The following TUSC3 variants were observed in gnomAD, a reference collection of about 807,000 sequenced individuals.
The protein encoded by TUSC3 is tumor suppressor candidate 3.
TUSC3 carries 45 observed loss-of-function variants against 44.8 expected under a neutral mutation model. That is an observed-to-expected ratio of 1.00 (90% CI 0.79 to 1.29). The LOEUF is 1.29. Ranked by LOEUF, TUSC3 falls within the 50% of genes most tolerant of loss-of-function variation. TUSC3 has a pLI of 0.00. For missense variants in TUSC3, 519 were observed against 437.9 expected (o/e 1.19, Z -1.65); for synonymous variants, 212 against 152.9 (o/e 1.39, Z -2.85).
the TUSC3 span, among the ~76,000 whole-genome samples, chr8:15,843,088 A>G: frequency 6.6e-6 from 1 of 152,156 alleles, no homozygotes; most frequent in Non-Finnish European, 1.5e-5. Context: ...GAAATAACAC[A>G]TTCACTGCAA....
At chr8:15,549,878 T>G (rs1801998888) in intron 1 of TUSC3, among the ~76,000 whole-genome samples, 1 of 151,546 alleles carries the variant, frequency 6.6e-6, no homozygotes, top group Admixed American at 6.6e-5. Flanking sequence ...CCTCAGACAC[T>G]GAATTGTAGA....
chr8:15,737,099 T>G (rs1418399035), intron 7 of TUSC3, among the ~76,000 whole-genome samples: 1 of 152,160 alleles, frequency 6.6e-6, no homozygotes, highest in Non-Finnish European at 1.5e-5. Context: ...GAATATGATT[T>G]TATTCGCATC....
intron 1 of TUSC3, among the ~76,000 whole-genome samples, chr8:15,615,865 G>A (rs1285116316): frequency 6.6e-6 from 1 of 152,166 alleles, no homozygotes; most frequent in Non-Finnish European, 1.5e-5. Context: ...CTGGTTAAAG[G>A]ATATAAACAT....
chr8:15,478,307 A>G (rs187626632), intron 1 of TUSC3, among the ~76,000 whole-genome samples: 63 of 152,190 alleles, frequency 4.1e-4, no homozygotes, highest in African/African-American at 1.5e-3. Context: ...GGATACATGT[A>G]CAGGATGTGC....
At chr8:15,738,892 GTGCAATCTCGGCTCAC>G (rs368935111) in intron 7 of TUSC3, among the ~76,000 whole-genome samples, 7 of 133,738 alleles carry the variant, frequency 5.2e-5, no homozygotes, top group Middle Eastern at 4.9e-3. Context: ...GAGTGCAGTG[GTGCAATCTCGGCTCAC>G]TGCAACCTCT....
rs1172342180 is a variant in TUSC3 at position 15,634,045 on chromosome 8, A to G, written c.308+10796A>G. Among the ~76,000 whole-genome samples, 3 of 152,216 alleles carry G rather than the reference A, an allele frequency of 2.0e-5. No individual in the cohort carries two copies. In the East Asian group the frequency reaches 5.8e-4, roughly 29 times the overall value. On this transcript the variant is annotated intron_variant, in intron 2 of 10. Transcript: ENST00000503731. ...ATCTCTACTGTGATCCGAGGGCTGT[A>G]TACTTCCATAAACACTTGAAGGTCT...
chr8:15,550,923 C>T (rs1053047553), intron 1 of TUSC3, among the ~76,000 whole-genome samples: 1 of 151,796 alleles, frequency 6.6e-6, no homozygotes, highest in East Asian at 1.9e-4. Context: ...CTGCCCGCCT[C>T]GGCCTCCCAA....
intron 2 of TUSC3, 147 bp downstream of exon 2, chr8:15,623,396 C>A: frequency 1.1e-6 from 1 of 890,744 alleles, no homozygotes; most frequent in Non-Finnish European, 1.6e-6. Flanking sequence ...GCTGAAAAAT[C>A]AGTGTATTTT....
chr8:15,789,463 A>G, the TUSC3 span, among the ~76,000 whole-genome samples: 1 of 152,216 alleles, frequency 6.6e-6, no homozygotes, highest in Non-Finnish European at 1.5e-5. Context: ...CTTAAGAGAC[A>G]GCTCACAAGA....
At chr8:15,469,908 T>C (rs1203702903) in intron 1 of TUSC3, among the ~76,000 whole-genome samples, 2 of 152,184 alleles carry the variant, frequency 1.3e-5, no homozygotes, top group Non-Finnish European at 2.9e-5. Context: ...CTCTACACTA[T>C]ATGATTCCAA....
In TUSC3 at chr8:15,764,396, T is replaced by G; in HGVS notation, c.*240T>G. 6 of 611,944 alleles carry G rather than the reference T, an allele frequency of 9.8e-6. No homozygotes were observed. In the South Asian group the frequency reaches 9.9e-5, roughly 10 times the overall value. 37.9% of individuals were successfully genotyped at this position (611,944 alleles called of 1,614,324 possible). On this transcript the variant is annotated 3_prime_UTR_variant, in exon 11 of 11. Coordinates refer to ENST00000503731, the MANE Select transcript of TUSC3 (RefSeq NM_006765.4). The stretch of plus-strand genomic sequence containing the variant: ...TACAGAAATCAATGGTAGCATTTAG[T>G]AATCTACAAAGGAAATATCAAAGTG...
intron 1 of TUSC3, among the ~76,000 whole-genome samples, chr8:15,458,861 C>A (rs1476882574): frequency 6.6e-6 from 1 of 152,154 alleles, no homozygotes; most frequent in Non-Finnish European, 1.5e-5. Context: ...TGGATTTTAG[C>A]TTTACAGGTG....
intron 1 of TUSC3, among the ~76,000 whole-genome samples, chr8:15,430,913 G>T (rs556088409): frequency 5.9e-5 from 9 of 151,832 alleles, no homozygotes; most frequent in African/African-American, 2.2e-4. Context: ...TAAAGAGACT[G>T]TCCTTTCCCC....
chr8:15,737,744 G>C (rs895803021), intron 7 of TUSC3, among the ~76,000 whole-genome samples: 2 of 152,086 alleles, frequency 1.3e-5, no homozygotes, highest in Admixed American at 6.5e-5. Flanking sequence ...TTGGTCAGAC[G>C]TAGAATCTTT....
At chr8:15,552,823 G>A (rs1280543468) in intron 1 of TUSC3, among the ~76,000 whole-genome samples, 1 of 151,820 alleles carries the variant, frequency 6.6e-6, no homozygotes, top group East Asian at 2.0e-4. Context: ...GGATTGCTAT[G>A]GCTATGCTGT....
intron 4 of TUSC3, among the ~76,000 whole-genome samples, chr8:15,660,784 A>G (rs1229537621): frequency 3.3e-5 from 5 of 151,892 alleles, no homozygotes; most frequent in Admixed American, 2.6e-4. Context: ...GGTGCAAGAC[A>G]TTAAGAGTAA....
intron 6 of TUSC3, among the ~76,000 whole-genome samples, chr8:15,704,635 C>CCT (rs1554478526): frequency 6.6e-6 from 1 of 151,840 alleles, no homozygotes; most frequent in African/African-American, 2.4e-5. Flanking sequence ...CTAAAGGAAA[C>CCT]TCTTTTTTTT....
chr8:15,800,775 C>A, the TUSC3 span, among the ~76,000 whole-genome samples: 1 of 152,068 alleles, frequency 6.6e-6, no homozygotes, highest in Non-Finnish European at 1.5e-5. Flanking sequence ...GCTATAGTAA[C>A]ACCCTTTTTC....
At chr8:15,692,971 A>G (rs1808985815) in intron 6 of TUSC3, among the ~76,000 whole-genome samples, 1 of 152,134 alleles carries the variant, frequency 6.6e-6, no homozygotes, top group Admixed American at 6.5e-5. Flanking sequence ...AAATTGGAAT[A>G]CCAAACTCTG....
Sources: allele counts gnomAD v4.1 joint callset (sites outside exome capture counted in the v4.1 genomes callset), GRCh38; gene constraint gnomAD v4.1.1; transcripts MANE v1.5; gene names NCBI Gene and HGNC (gene_info 2026-07-23, HGNC 2026-07-21).